The following RBFOX1 variants were observed in gnomAD, a reference collection of about 807,000 sequenced individuals.
RBFOX1 encodes the protein RNA binding protein fox-1 homolog 1.
In RBFOX1, 8 loss-of-function variants were observed where a neutral mutation model predicts 57.7. The ratio of observed to expected loss-of-function variants is 0.14; its 90% CI spans 0.08 to 0.25. The LOEUF (loss-of-function observed/expected upper bound fraction) is 0.25, where lower values mean the gene tolerates loss of function less well. Among genes scored for constraint, RBFOX1 ranks in the 10% least tolerant of loss-of-function variants. RBFOX1 has a pLI of 1.00. For missense variants in RBFOX1, 611 were observed against 548.5 expected (o/e 1.11, Z -1.14); for synonymous variants, 326 against 222.4 (o/e 1.47, Z -4.15).
rs977810162 is a variant in RBFOX1, at chr16:5,580,487, C to T, written c.259-18415C>T. ...TTCACCGCCTGGGTGACTTGGATGC[C>T]ACCTGCTGCCAGGCGGCCAGCTGGG... On this transcript the variant is annotated intron_variant, in intron 2 of 2. Transcript: ENST00000585867. Among the ~76,000 whole-genome samples, 3 of 152,198 alleles carry T rather than the reference C, an allele frequency of 2.0e-5. No individual in the cohort carries two copies. In the East Asian group the frequency reaches 5.8e-4, roughly 29 times the overall value.
chr16:6,887,665 TC>T, intron 3 of RBFOX1, among the ~76,000 whole-genome samples: 1 of 132,986 alleles, frequency 7.5e-6, no homozygotes, highest in South Asian at 2.5e-4. Flanking sequence ...CTTTCCATAG[TC>T]ATTTTTTTTT....
intron 3 of RBFOX1, among the ~76,000 whole-genome samples, chr16:5,863,625 C>A (rs905675410): frequency 1.3e-5 from 2 of 152,180 alleles, no homozygotes; most frequent in African/African-American, 4.8e-5. Context: ...ACTATGAAAT[C>A]CACTCTGAAT....
chr16:7,078,262 G>C (rs2058612130), intron 4 of RBFOX1, among the ~76,000 whole-genome samples: 1 of 152,204 alleles, frequency 6.6e-6, no homozygotes, highest in Non-Finnish European at 1.5e-5. Context: ...AGAAAAGCTG[G>C]TTTAGAAACC....
chr16:5,244,206 A>G (rs2062238434), intron 1 of RBFOX1, among the ~76,000 whole-genome samples: 1 of 152,232 alleles, frequency 6.6e-6, no homozygotes, highest in African/African-American at 2.4e-5. Context: ...TGGGCATAGC[A>G]TTGTAACACA....
intron 1 of RBFOX1, among the ~76,000 whole-genome samples, chr16:5,294,696 C>A (rs2063619203): frequency 6.6e-6 from 1 of 152,018 alleles, no homozygotes; most frequent in Admixed American, 6.5e-5. Context: ...ATTTGGACCC[C>A]TTTGTGTGCT....
At chr16:7,270,367 T>G (rs2095288169) in intron 4 of RBFOX1, among the ~76,000 whole-genome samples, 1 of 152,204 alleles carries the variant, frequency 6.6e-6, no homozygotes, top group Non-Finnish European at 1.5e-5. Flanking sequence ...TTCTCCTTTG[T>G]GGATGGAAAT....
chr16:7,232,454 G>A (rs1481331314), intron 4 of RBFOX1, among the ~76,000 whole-genome samples: 5 of 152,120 alleles, frequency 3.3e-5, no homozygotes, highest in Admixed American at 3.3e-4. Flanking sequence ...CAACTATTAG[G>A]TGCTCAATAA....
intron 1 of RBFOX1, among the ~76,000 whole-genome samples, chr16:6,087,494 G>A (rs538481076): frequency 5.3e-5 from 8 of 152,116 alleles, no homozygotes; most frequent in African/African-American, 1.7e-4. Flanking sequence ...CACATATTTG[G>A]AAATTTGGAA....
At chr16:5,959,651 G>A (rs1294050541) in intron 4 of RBFOX1, among the ~76,000 whole-genome samples, 1 of 152,152 alleles carries the variant, frequency 6.6e-6, no homozygotes, top group Non-Finnish European at 1.5e-5. Context: ...GGATGTGTAA[G>A]GAATGACAGT....
chr16:5,775,207 A>G (rs1349260395), intron 3 of RBFOX1, among the ~76,000 whole-genome samples: 1 of 152,308 alleles, frequency 6.6e-6, no homozygotes, highest in Admixed American at 6.5e-5. Flanking sequence ...AACGGGGGAC[A>G]TAGGATCCCC....
chr16:7,527,399 A>G (rs74579198), intron 5 of RBFOX1, among the ~76,000 whole-genome samples: 2 of 152,112 alleles, frequency 1.3e-5, no homozygotes, highest in Non-Finnish European at 2.9e-5. Context: ...ATTTATCCCA[A>G]CTTAGGATAA....
chr16:5,882,137 A>G (rs1279574214), intron 4 of RBFOX1, among the ~76,000 whole-genome samples: 2 of 152,224 alleles, frequency 1.3e-5, no homozygotes, highest in Non-Finnish European at 2.9e-5. Context: ...CAACCTTTGA[A>G]TTCAGGCATT....
chr16:7,459,590 C>G (rs1246750642), intron 4 of RBFOX1, among the ~76,000 whole-genome samples: 1 of 152,128 alleles, frequency 6.6e-6, no homozygotes, highest in East Asian at 1.9e-4. Flanking sequence ...GATATTGCAG[C>G]CATTCACCTT....
At chr16:5,313,509 T>C (rs1175813836) in intron 1 of RBFOX1, among the ~76,000 whole-genome samples, 3 of 152,144 alleles carry the variant, frequency 2.0e-5, no homozygotes, top group Non-Finnish European at 4.4e-5. Flanking sequence ...AAGACTGTAT[T>C]AGTCCATATT....
chr16:6,518,664 G>A (rs60933153), intron 2 of RBFOX1, among the ~76,000 whole-genome samples: 175 of 152,166 alleles, frequency 1.2e-3, no homozygotes, highest in African/African-American at 3.9e-3. Flanking sequence ...AGGGCCACCC[G>A]GAGTAACTGC....
chr16:5,261,431 G>C (rs1265680559), intron 1 of RBFOX1, among the ~76,000 whole-genome samples: 7 of 151,890 alleles, frequency 4.6e-5, no homozygotes, highest in Non-Finnish European at 8.8e-5. Context: ...ACATGTGATA[G>C]TGTCTTTTGC....
At chr16:5,762,329 G>A (rs187345581) in intron 3 of RBFOX1, among the ~76,000 whole-genome samples, 1 of 141,604 alleles carries the variant, frequency 7.1e-6, no homozygotes, top group African/African-American at 2.7e-5. Flanking sequence ...TTTTCTCCTA[G>A]AAATTAAGGC....
chr16:5,245,418 C>T (rs1395736317), intron 1 of RBFOX1, among the ~76,000 whole-genome samples: 1 of 152,148 alleles, frequency 6.6e-6, no homozygotes, highest in East Asian at 1.9e-4. Flanking sequence ...GAGACTCGGG[C>T]TTGGGAGGCA....
chr16:6,867,305 A>T (rs1047751099), intron 3 of RBFOX1, among the ~76,000 whole-genome samples: 4 of 151,704 alleles, frequency 2.6e-5, no homozygotes, highest in African/African-American at 9.7e-5. Context: ...CATATTCTGG[A>T]TCATTATTGG....
Sources: gnomAD v4.1 joint callset for allele counts (sites outside exome capture counted in the v4.1 genomes callset) on GRCh38, gnomAD v4.1.1 for gene constraint, MANE v1.5 for transcripts, NCBI Gene and HGNC (gene_info 2026-07-23, HGNC 2026-07-21) for gene names.